The following IST1 variants were observed in gnomAD, a reference collection of about 807,000 sequenced individuals.
IST1 encodes IST1 homolog.
IST1 carries 23 observed loss-of-function variants against 37.0 expected under a neutral mutation model. That is an observed-to-expected ratio of 0.62 (90% CI 0.45 to 0.88). The LOEUF is 0.88. Among genes scored for constraint, IST1 ranks in the 40% least tolerant of loss-of-function variants. IST1 has a pLI of 0.00. For missense variants in IST1, 488 were observed against 445.4 expected (o/e 1.10, Z -0.86); for synonymous variants, 180 against 161.7 (o/e 1.11, Z -0.86).
chr16:71,915,197 C>A (rs563407777), intron 1 of IST1, among the ~76,000 whole-genome samples: 74 of 152,254 alleles, frequency 4.9e-4, no homozygotes, highest in African/African-American at 1.6e-3. Flanking sequence ...CCATTGCCAT[C>A]CCTGTTGAGA....
rs1567472477 is a variant in IST1, at chr16:71,922,459, CTCT to C, written c.553-13_553-11del. The C allele has an allele frequency of 6.2e-7, 1 of 1,611,298 alleles. No individual in the cohort carries two copies. The highest frequency in any genetic ancestry group is 1.7e-5 in the Admixed American group (1 of 59,842). ...GGACATGGGTTAATGACCTGGGTTTCTCTTTTTTTCTCAGGCAGAAGCTCCTCC... is the reference window on the plus strand; with the variant it reads ...GGACATGGGTTAATGACCTGGGTTTCTTTTTTCTCAGGCAGAAGCTCCTCC... On this transcript the variant is annotated splice_polypyrimidine_tract_variant and intron_variant, in intron 6 of 9. Coordinates refer to ENST00000378799, the MANE Select transcript of IST1 (RefSeq NM_001270975.2).
Position 71,922,612 on chromosome 16 carries a change from CCCAT to C in IST1, c.692_695del (p.Pro231ArgfsTer54). Reference sequence around the variant, plus strand: ...TGGACCTGATGGAACGGTGCCAATGCCCATGCCCATGCCCATGCCTATGCCATCT... The same window carrying C: ...TGGACCTGATGGAACGGTGCCAATGCGCCCATGCCCATGCCTATGCCATCT... On this transcript the variant is annotated frameshift_variant, in exon 7 of 10. Coordinates refer to ENST00000378799, the MANE Select transcript of IST1 (RefSeq NM_001270975.2). LOFTEE classifies it high-confidence loss of function. 4 of 704,804 alleles carry C rather than the reference CCCAT, an allele frequency of 5.7e-6. No individual in the cohort carries two copies. Among genetic ancestry groups the C allele is most frequent in the Non-Finnish European group, 7.7e-6 (4 of 517,806 alleles). 43.7% of individuals were successfully genotyped at this position (704,804 alleles called of 1,614,324 possible).
At chr16:71,907,837 AG>A (rs1399720897) in intron 1 of IST1, among the ~76,000 whole-genome samples, 3 of 152,114 alleles carry the variant, frequency 2.0e-5, no homozygotes, top group Admixed American at 6.6e-5. Context: ...ATTTTGAGAC[AG>A]GATCTTACCA....
chr16:71,923,322 A>G lies in IST1; in HGVS notation c.794A>G (p.Gln265Arg). ...DFNGLPMGTY[Q>R]AFPNIHPPQI... is the part of the protein sequence containing the mutation. Reference sequence around the variant, plus strand: ...AATGGACTGCCAATGGGGACTTATCAGGCCTTTCCCAATATTCATCCACCT... The same window carrying G: ...AATGGACTGCCAATGGGGACTTATCGGGCCTTTCCCAATATTCATCCACCT... Residue 265 changes from glutamine to arginine, a missense_variant, in exon 8 of 10, where the codon CAG (glutamine) becomes CGG (arginine). Physicochemically the swap from Gln to Arg is conservative, Grantham distance 43 (BLOSUM62 1). This residue lies in a region of IST1 where 455 missense variants were observed against 386.2 expected (regional missense o/e 1.18). Coordinates refer to ENST00000378799, the MANE Select transcript of IST1 (RefSeq NM_001270975.2). 6.2e-7 allele frequency: 1 copy of G among 1,612,506 alleles called. No homozygotes were observed. Among genetic ancestry groups the G allele is most frequent in the South Asian group, 1.1e-5 (1 of 90,992 alleles).
At chr16:71,910,610 AAAAAAAAAG>A (rs1051656161) in intron 1 of IST1, among the ~76,000 whole-genome samples, 3 of 151,354 alleles carry the variant, frequency 2.0e-5, no homozygotes, top group South Asian at 4.2e-4. Flanking sequence ...TGTCTCAAAA[AAAAAAAAAG>A]AAAAAAAAGA....
chr16:71,919,370 A>G (rs1423474997), intron 4 of IST1, among the ~76,000 whole-genome samples: 1 of 152,058 alleles, frequency 6.6e-6, no homozygotes, highest in Non-Finnish European at 1.5e-5. Context: ...TTCCCTATTT[A>G]GTTAACTCCT....
In IST1 at chr16:71,924,754, A is replaced by G. The variant is rs755320394; in HGVS notation, c.853-15A>G. 6.3e-6 allele frequency: 10 copies of G among 1,598,356 alleles called. No homozygotes were observed. The highest frequency in any genetic ancestry group is 4.5e-5 in the East Asian group (2 of 44,816). ...ACTATTGCTGTCTCCTCTGGTAACA[A>G]TCTTTGTGTTTCAGGTAGATGACAT... On this transcript the variant is annotated splice_polypyrimidine_tract_variant and intron_variant, in intron 8 of 9. Transcript: ENST00000378799.
Position 71,905,292 on chromosome 16 carries a change from C to T in IST1, c.-16+9703C>T, listed in dbSNP as rs142319819. Among the ~76,000 whole-genome samples, 589 of 151,188 alleles carry T rather than the reference C, an allele frequency of 3.9e-3. 3 individuals are homozygous for T. The highest frequency in any genetic ancestry group is 0.014 in the African/African-American group (574 of 41,210). On this transcript the variant is annotated intron_variant, in intron 1 of 9. Coordinates refer to ENST00000378799, the MANE Select transcript of IST1 (RefSeq NM_001270975.2). ...CTCGTGATCCACCCACCTTGCCCTCCCAAAGTGCTGCGATTATGGGCATGA... is the reference window on the plus strand; with the variant it reads ...CTCGTGATCCACCCACCTTGCCCTCTCAAAGTGCTGCGATTATGGGCATGA...
chr16:71,907,176 A>G (rs1013381488), intron 1 of IST1, among the ~76,000 whole-genome samples: 3 of 118,746 alleles, frequency 2.5e-5, no homozygotes, highest in Non-Finnish European at 5.1e-5. Flanking sequence ...TTCAGGCAGT[A>G]TTTTTTCTTT....
chr16:71,906,848 TC>T (rs995820778), intron 1 of IST1, among the ~76,000 whole-genome samples: 55 of 152,134 alleles, frequency 3.6e-4, no homozygotes, highest in African/African-American at 1.3e-3. Flanking sequence ...GCATCGTTTT[TC>T]CCAGACTGCT....
Position 71,921,466 on chromosome 16 carries a change from C to G in IST1, c.552+13C>G. On this transcript the variant is annotated intron_variant, in intron 6 of 9. Coordinates refer to ENST00000378799, the MANE Select transcript of IST1 (RefSeq NM_001270975.2). ...CTCTGTGGTCATGGTAAGTTTATCC[C>G]AGAATACAAAGAAAAATGAGTTTGT... 6.6e-7 allele frequency: 1 copy of G among 1,508,136 alleles called. No individual in the cohort carries two copies. Among genetic ancestry groups the G allele is most frequent in the Non-Finnish European group, 9.2e-7 (1 of 1,084,680 alleles). 93.4% of individuals were successfully genotyped at this position (1,508,136 alleles called of 1,614,324 possible). A position where few individuals can be genotyped will look rare whatever the true frequency, so the allele number is the denominator to read the frequency against.
rs972322534 is a variant in IST1 at position 71,929,407 on chromosome 16, T to A, written c.*1594T>A. ...GACAGTGCCAAGATCCATAAGAACT[T>A]GGGACCAAGGGGATTTTGATTCCTA... On this transcript the variant is annotated 3_prime_UTR_variant, in exon 10 of 10. Coordinates refer to ENST00000378799, the MANE Select transcript of IST1 (RefSeq NM_001270975.2). 2.4e-5 allele frequency: 22 copies of A among 923,726 alleles called. No homozygotes were observed. Among genetic ancestry groups the A allele is most frequent in the Non-Finnish European group, 3.4e-5 (22 of 638,880 alleles). The allele number at this position is 923,726 out of a possible 1,614,324, so 57.2% of individuals were successfully genotyped here.
At position 71,927,854 on chromosome 16, in the gene IST1, A is replaced by G. The variant is rs2143023931; in HGVS notation, c.*41A>G. ...CAACTTTCACGTTTTGGGAGTTGAGACTGAGCAATTTCTCCTTGTAACAAA... is the reference window on the plus strand; with the variant it reads ...CAACTTTCACGTTTTGGGAGTTGAGGCTGAGCAATTTCTCCTTGTAACAAA... On this transcript the variant is annotated 3_prime_UTR_variant, in exon 10 of 10. Coordinates refer to ENST00000378799, the MANE Select transcript of IST1 (RefSeq NM_001270975.2). The G allele has an allele frequency of 1.5e-6, 2 of 1,376,624 alleles. No individual in the cohort carries two copies. Among genetic ancestry groups the G allele is most frequent in the East Asian group, 4.6e-5 (2 of 43,774 alleles). 85.3% of individuals were successfully genotyped at this position (1,376,624 alleles called of 1,614,324 possible). A position where few individuals can be genotyped will look rare whatever the true frequency, so the allele number is the denominator to read the frequency against.
At position 71,928,079 on chromosome 16, in the gene IST1, C is replaced by A; in HGVS notation, c.*266C>A. 1 of 433,098 alleles carries A rather than the reference C, an allele frequency of 2.3e-6. No individual in the cohort carries two copies. The highest frequency in any genetic ancestry group is 4.3e-6 in the Non-Finnish European group (1 of 232,986). 26.8% of individuals were successfully genotyped at this position (433,098 alleles called of 1,614,324 possible). A position where few individuals can be genotyped will look rare whatever the true frequency, so the allele number is the denominator to read the frequency against. On this transcript the variant is annotated 3_prime_UTR_variant, in exon 10 of 10. Transcript: ENST00000378799. ...TTCCTGTCAGAGTGATCCCAGGTTT[C>A]CTCCTGGCCCGTCCCATGGTCCCTC...
At chr16:71,907,630 G>A (rs1158104865) in intron 1 of IST1, among the ~76,000 whole-genome samples, 1 of 152,018 alleles carries the variant, frequency 6.6e-6, no homozygotes, top group Admixed American at 6.6e-5. Context: ...ACCCCTTGCT[G>A]TTGTCCTACA....
At chr16:71,906,503 CG>C (rs1567462943) in intron 1 of IST1, among the ~76,000 whole-genome samples, 1 of 151,232 alleles carries the variant, frequency 6.6e-6, no homozygotes, top group Non-Finnish European at 1.5e-5. Flanking sequence ...TTCGTAGAGA[CG>C]GGGTTTCACC....
intron 8 of IST1, 152 bp from the exon 9 acceptor site, chr16:71,924,617 C>T: frequency 1.5e-6 from 1 of 666,592 alleles, no homozygotes; most frequent in Non-Finnish European, 2.7e-6. Context: ...ATAGTATCTA[C>T]CTGATTGGAA....
chr16:71,911,118 A>G (rs879931609), intron 1 of IST1, among the ~76,000 whole-genome samples: 3 of 152,038 alleles, frequency 2.0e-5, no homozygotes, highest in African/African-American at 4.8e-5. Flanking sequence ...GTGTGTGCCT[A>G]TAATCTCAGT....
chr16:71,921,239 C>T (rs969608351), intron 5 of IST1, 104 bp from the exon 6 acceptor site: 4 of 713,220 alleles, frequency 5.6e-6, no homozygotes, highest in Admixed American at 5.2e-5. Flanking sequence ...CTTTTTTTCC[C>T]TCAATATTAC....
Sources: allele counts gnomAD v4.1 joint callset (sites outside exome capture counted in the v4.1 genomes callset), GRCh38; gene constraint gnomAD v4.1.1; regional missense constraint gnomAD v4.1.1; transcripts MANE v1.5; gene names NCBI Gene and HGNC (gene_info 2026-07-23, HGNC 2026-07-21).